Variants in TENM4 observed in about 807,000 individuals in gnomAD.
The protein encoded by TENM4 is teneurin transmembrane protein 4, also known as teneurin-4.
A neutral mutation model predicts 243.3 loss-of-function variants in TENM4; 82 were observed. That is an observed-to-expected ratio of 0.34 (90% CI 0.28 to 0.40). TENM4 has a LOEUF of 0.40. TENM4 is among the 10% of genes least tolerant of loss of function. The pLI is 1.00. For synonymous variants in TENM4, 1,412 were observed against 1,456.3 expected (o/e 0.97, Z 0.69); for missense variants, 3,138 against 3,673.3 (o/e 0.85, Z 3.77).
chr11:79,228,974 T>C (rs911238885), intron 2 of TENM4, among the ~76,000 whole-genome samples: 2 of 152,230 alleles, frequency 1.3e-5, no homozygotes, highest in African/African-American at 4.8e-5. Context: ...CATTTAGTCA[T>C]CATGTGTCCT....
In TENM4 at chr11:78,669,496, C is replaced by A; in HGVS notation, c.6849G>T (p.Arg2283=). Residue 2283 remains arginine, a synonymous_variant, in exon 32 of 34, where the codon CGG becomes CGT. Transcript: ENST00000278550. This position sits in a 1 kb window ranked among gnomAD's most constrained non-coding sequence, Gnocchi z 6.4. ...GGTACCTGACACTCCAGCTGCCAGC[C>A]CGGTTGTAGGCCTTGATGAGCAGGC... ...SAGLLIKAYN[R]AGSWSVRYRY... 1 of 1,613,916 alleles carries A rather than the reference C, an allele frequency of 6.2e-7. No individual in the cohort carries two copies. Among genetic ancestry groups the A allele is most frequent in the Non-Finnish European group, 8.5e-7 (1 of 1,179,868 alleles).
At chr11:78,902,282 T>C (rs1353718956) in intron 7 of TENM4, among the ~76,000 whole-genome samples, 3 of 152,230 alleles carry the variant, frequency 2.0e-5, no homozygotes, top group African/African-American at 7.2e-5. Context: ...TTTTCTGCAT[T>C]TTCTCCGGTG....
chr11:78,747,625 C>T (rs963340001), intron 19 of TENM4, among the ~76,000 whole-genome samples: 3 of 152,148 alleles, frequency 2.0e-5, no homozygotes, highest in Admixed American at 6.5e-5. Flanking sequence ...ACACAGAGGC[C>T]GCATCCCTCC....
intron 6 of TENM4, among the ~76,000 whole-genome samples, chr11:78,994,593 T>C (rs938370940): frequency 2.6e-5 from 4 of 152,232 alleles, no homozygotes; most frequent in South Asian, 2.1e-4. Flanking sequence ...AGTAATTTCA[T>C]ACACTGTGTT....
At chr11:78,896,069 C>T (rs531747692) in intron 7 of TENM4, among the ~76,000 whole-genome samples, 1 of 152,320 alleles carries the variant, frequency 6.6e-6, no homozygotes, top group African/African-American at 2.4e-5. Context: ...GAGCAAAGGG[C>T]TTTTGGGAAG....
intron 2 of TENM4, among the ~76,000 whole-genome samples, chr11:79,257,441 G>A (rs1298379795): frequency 6.6e-6 from 1 of 152,140 alleles, no homozygotes; most frequent in Non-Finnish European, 1.5e-5. Flanking sequence ...AGGCTGTGGT[G>A]CAAATGTCCT....
chr11:79,174,919 T>C (rs1019195065), intron 3 of TENM4, among the ~76,000 whole-genome samples: 2 of 152,208 alleles, frequency 1.3e-5, no homozygotes, highest in Non-Finnish European at 2.9e-5. Context: ...AAATAATCCC[T>C]TCACTACACT....
intron 1 of TENM4, among the ~76,000 whole-genome samples, chr11:79,346,275 G>A (rs1213629054): frequency 1.3e-5 from 2 of 152,092 alleles, no homozygotes; most frequent in South Asian, 2.1e-4. Context: ...GATGTCAGCC[G>A]GACAGTACCT....
At chr11:79,318,824 T>C (rs183101752) in intron 1 of TENM4, among the ~76,000 whole-genome samples, 7 of 152,314 alleles carry the variant, frequency 4.6e-5, no homozygotes, top group African/African-American at 1.4e-4. Flanking sequence ...TAACACTTGG[T>C]TCTCATGAGC....
chr11:78,989,027 C>T (rs1024830226), intron 6 of TENM4, among the ~76,000 whole-genome samples: 2 of 152,156 alleles, frequency 1.3e-5, no homozygotes, highest in East Asian at 3.9e-4. Context: ...CAGCTAAGGT[C>T]CAGACCTCAG....
At chr11:78,715,155 T>C (rs1334456665) in intron 25 of TENM4, among the ~76,000 whole-genome samples, 2 of 152,228 alleles carry the variant, frequency 1.3e-5, no homozygotes, top group East Asian at 3.8e-4. Context: ...ACAGGTATCC[T>C]GTCTATTTTG....
At chr11:79,139,961 G>A (rs1011604284) in intron 4 of TENM4, among the ~76,000 whole-genome samples, 18 of 150,482 alleles carry the variant, frequency 1.2e-4, no homozygotes, top group South Asian at 4.2e-4. Flanking sequence ...CCTTATGTCC[G>A]CTTACATCTT....
rs1203771651 is a variant in TENM4, at chr11:79,069,728, G to A, written c.217C>T (p.Arg73Cys). The A allele has an allele frequency of 3.9e-6, 6 of 1,550,200 alleles. No individual in the cohort carries two copies. The highest frequency in any genetic ancestry group is 4.4e-6 in the Non-Finnish European group (5 of 1,146,834). The change falls in exon 5 of 34, where the codon CGC (arginine) becomes TGC (cysteine). Residue 73 changes from arginine (R) to cysteine (C), a missense_variant. By Grantham distance (180) the Arg-to-Cys change is radical. Transcript: ENST00000278550. ...CCCTCGGCCTTGTCCTTACCTGTGC[G>A]GCAGAATTCCTCGGCCTCCTGCGGC... ...IVPQEAEEFC[R>C]TGANFTLREL... is the part of the protein sequence containing the mutation.
At chr11:78,890,861 C>T (rs541710) in intron 8 of TENM4, among the ~76,000 whole-genome samples, 120,326 of 152,132 alleles carry the variant, frequency 0.79, 50,035 homozygotes, top group Non-Finnish European at 0.92. Context: ...TTGCACTGTA[C>T]CCCCCAGAAG....
chr11:78,791,836 A>G (rs1259199244), intron 15 of TENM4, among the ~76,000 whole-genome samples: 1 of 152,164 alleles, frequency 6.6e-6, no homozygotes, highest in Non-Finnish European at 1.5e-5. Context: ...CCCAATAACA[A>G]GGGAGGGTTT....
intron 2 of TENM4, among the ~76,000 whole-genome samples, chr11:79,234,413 G>A (rs746413173): frequency 1.3e-5 from 2 of 152,180 alleles, no homozygotes; most frequent in African/African-American, 4.8e-5. Context: ...TGCATCTTAT[G>A]TCAGTTCTTA....
chr11:78,762,777 T>C (rs547568617), intron 18 of TENM4, among the ~76,000 whole-genome samples: 1 of 151,948 alleles, frequency 6.6e-6, no homozygotes, highest in Admixed American at 6.6e-5. Flanking sequence ...ATGTAGCATA[T>C]GGTGGCCTGA....
At chr11:79,290,914 G>A (rs1226952355) in intron 2 of TENM4, among the ~76,000 whole-genome samples, 39 of 152,134 alleles carry the variant, frequency 2.6e-4, no homozygotes, top group Admixed American at 2.6e-3. Context: ...CTCATTTAGA[G>A]CTGTTTGTTT....
intron 6 of TENM4, among the ~76,000 whole-genome samples, chr11:78,935,846 C>T (rs1856771555): frequency 6.6e-6 from 1 of 152,172 alleles, no homozygotes. Context: ...GTTGAAGGAG[C>T]TGGATTCTAG....
Sources: allele counts gnomAD v4.1 joint callset (sites outside exome capture counted in the v4.1 genomes callset), GRCh38; gene constraint gnomAD v4.1.1; non-coding constraint Gnocchi (gnomAD v3.1); transcripts MANE v1.5; gene names NCBI Gene and HGNC (gene_info 2026-07-23, HGNC 2026-07-21).